Variants in SCAPER observed in about 807,000 individuals in gnomAD.
SCAPER encodes S phase cyclin A-associated protein in the endoplasmic reticulum.
A neutral mutation model predicts 182.2 loss-of-function variants in SCAPER; 98 were observed. The observed-to-expected ratio is 0.54, with a 90% CI of 0.46 to 0.64. The LOEUF (loss-of-function observed/expected upper bound fraction) is 0.64, where lower values mean the gene tolerates loss of function less well. Among genes scored for constraint, SCAPER ranks in the 30% least tolerant of loss-of-function variants. SCAPER has a pLI of 0.00. For missense variants in SCAPER, 1,432 were observed against 1,690.0 expected (o/e 0.85, Z 2.68); for synonymous variants, 605 against 564.6 (o/e 1.07, Z -1.01).
intron 25 of SCAPER, among the ~76,000 whole-genome samples, chr15:76,451,913 G>T (rs1292719759): frequency 1.3e-5 from 2 of 152,156 alleles, no homozygotes; most frequent in African/African-American, 4.8e-5. Context: ...TATTGGGAAA[G>T]GTCTAATCAG....
intron 1 of SCAPER, among the ~76,000 whole-genome samples, chr15:76,897,402 AAAG>A (rs2074497967): frequency 6.6e-6 from 1 of 152,144 alleles, no homozygotes; most frequent in African/African-American, 2.4e-5. Flanking sequence ...GGAAAAAAAA[AAAG>A]AAATGTTACT....
At chr15:76,351,208 C>A (rs749511961) in intron 31 of SCAPER, 29 bp downstream of exon 31, 2 of 1,587,912 alleles carry the variant, frequency 1.3e-6, no homozygotes, top group Non-Finnish European at 1.7e-6. Flanking sequence ...CTAACAAACA[C>A]ATGAAATTTA....
chr15:76,362,082 C>T (rs1191516546), intron 29 of SCAPER, among the ~76,000 whole-genome samples: 1 of 151,812 alleles, frequency 6.6e-6, no homozygotes, highest in East Asian at 1.9e-4. Flanking sequence ...AAGCGATTCT[C>T]CTGCTTCAGC....
chr15:76,815,484 C>T (rs1322877502), intron 5 of SCAPER, among the ~76,000 whole-genome samples: 2 of 152,212 alleles, frequency 1.3e-5, no homozygotes, highest in African/African-American at 2.4e-5. Flanking sequence ...GCAATTTCAT[C>T]ATTGTGCGAC....
Position 76,702,981 on chromosome 15 carries a change from G to A in SCAPER, c.2269C>T (p.His757Tyr). 1 of 1,583,970 alleles carries A rather than the reference G, an allele frequency of 6.3e-7. No individual in the cohort carries two copies. Among genetic ancestry groups the A allele is most frequent in the Non-Finnish European group, 8.5e-7 (1 of 1,169,876 alleles). ...QLKHDESIRR[H>Y]MEQIEQRKEK... ...TTTCTTTGTTCAATCTGTTCCATGT[G>A]CCTTCGAATACTTTCATCATGCTGT... The change falls in exon 19 of 32, where the codon CAC becomes TAC. Residue 757 changes from histidine (H) to tyrosine (Y), a missense_variant. Physicochemically the swap from His to Tyr is moderately conservative, Grantham distance 83. Coordinates refer to ENST00000563290, the MANE Select transcript of SCAPER (RefSeq NM_020843.4).
chr15:76,544,131 C>A (rs1183126715), intron 23 of SCAPER, among the ~76,000 whole-genome samples: 3 of 152,036 alleles, frequency 2.0e-5, no homozygotes, highest in Admixed American at 6.6e-5. Context: ...CTATGAGATA[C>A]CATTTCACAC....
At chr15:76,572,317 TATAA>T (rs1031988969) in intron 23 of SCAPER, among the ~76,000 whole-genome samples, 9 of 152,224 alleles carry the variant, frequency 5.9e-5, no homozygotes, top group African/African-American at 1.7e-4. Context: ...ATAATCAGTA[TATAA>T]ATAATTTTTT....
chr15:76,446,345 G>A (rs970298787), intron 25 of SCAPER, among the ~76,000 whole-genome samples: 3 of 152,118 alleles, frequency 2.0e-5, no homozygotes, highest in Admixed American at 6.6e-5. Context: ...TATTTCCAGG[G>A]CACTGCAACA....
chr15:76,757,823 C>T (rs2062543048), intron 14 of SCAPER, among the ~76,000 whole-genome samples: 1 of 152,288 alleles, frequency 6.6e-6, no homozygotes, highest in South Asian at 2.1e-4. Context: ...TGATATTTCA[C>T]TCAAGTTCGA....
intron 1 of SCAPER, among the ~76,000 whole-genome samples, chr15:76,898,266 T>A (rs1317877896): frequency 6.6e-6 from 1 of 152,048 alleles, no homozygotes; most frequent in Non-Finnish European, 1.5e-5. Flanking sequence ...TTGGAGAAGA[T>A]GTGGAGAAAC....
At chr15:76,627,848 A>C (rs1197717458) in intron 21 of SCAPER, among the ~76,000 whole-genome samples, 2 of 152,076 alleles carry the variant, frequency 1.3e-5, no homozygotes, top group East Asian at 3.9e-4. Context: ...CTGGTTCTAG[A>C]TCTTTAAGGA....
chr15:76,689,113 G>C (rs2058206167), intron 20 of SCAPER, among the ~76,000 whole-genome samples: 1 of 151,962 alleles, frequency 6.6e-6, no homozygotes, highest in African/African-American at 2.4e-5. Flanking sequence ...CTTTCAAAGT[G>C]CTGGGATTAC....
intron 1 of SCAPER, among the ~76,000 whole-genome samples, chr15:76,887,248 C>G (rs2073889088): frequency 1.3e-5 from 2 of 152,186 alleles, no homozygotes; most frequent in Non-Finnish European, 2.9e-5. Flanking sequence ...ACACAGAAGA[C>G]AGGTGATTTC....
chr15:76,713,799 A>G (rs1312828366), intron 17 of SCAPER, among the ~76,000 whole-genome samples: 1 of 152,142 alleles, frequency 6.6e-6, no homozygotes, highest in Non-Finnish European at 1.5e-5. Flanking sequence ...ATAAATTTTA[A>G]AAAAAGTAAA....
intron 4 of SCAPER, among the ~76,000 whole-genome samples, chr15:76,844,465 A>C (rs1025780415): frequency 1.3e-5 from 2 of 152,140 alleles, no homozygotes; most frequent in African/African-American, 4.8e-5. Context: ...CTTCAACCTC[A>C]GATTAAGAAG....
At chr15:76,584,422 T>A (rs896433935) in intron 22 of SCAPER, among the ~76,000 whole-genome samples, 1 of 152,216 alleles carries the variant, frequency 6.6e-6, no homozygotes, top group Non-Finnish European at 1.5e-5. Context: ...GGATAGTTTG[T>A]GACATTAAGA....
intron 5 of SCAPER, among the ~76,000 whole-genome samples, chr15:76,814,490 A>C (rs2095427941): frequency 6.6e-6 from 1 of 152,228 alleles, no homozygotes; most frequent in South Asian, 2.1e-4. Flanking sequence ...AATTTTCAAC[A>C]AGACCACCAA....
intron 22 of SCAPER, among the ~76,000 whole-genome samples, chr15:76,593,245 C>T (rs2049259174): frequency 8.2e-6 from 1 of 121,346 alleles, no homozygotes. Flanking sequence ...CTCCGCAAAG[C>T]TGCTATAGCC....
chr15:76,479,738 T>TTA (rs1427221277), intron 24 of SCAPER, among the ~76,000 whole-genome samples: 2 of 152,172 alleles, frequency 1.3e-5, no homozygotes, highest in Non-Finnish European at 2.9e-5. Context: ...AGTACATAGT[T>TTA]TATATTCTTG....
Sources: gnomAD v4.1 joint callset for allele counts (sites outside exome capture counted in the v4.1 genomes callset) on GRCh38, gnomAD v4.1.1 for gene constraint, MANE v1.5 for transcripts, NCBI Gene and HGNC (gene_info 2026-07-23, HGNC 2026-07-21) for gene names.